SLC17A9: variants seen among roughly 807,000 people sequenced by gnomAD.
SLC17A9 encodes solute carrier family 17 member 9, also known as voltage-gated purine nucleotide uniporter SLC17A9.
SLC17A9 carries 49 observed loss-of-function variants against 55.0 expected under a neutral mutation model. That is an observed-to-expected ratio of 0.89 (90% CI 0.71 to 1.13). The LOEUF (loss-of-function observed/expected upper bound fraction) is 1.13. SLC17A9 is among the 50% of genes most tolerant of loss of function. SLC17A9 has a pLI of 0.00. For synonymous variants in SLC17A9, 256 were observed against 247.4 expected (o/e 1.03, Z -0.32); for missense variants, 526 against 569.3 (o/e 0.92, Z 0.77).
At chr20:62,965,236 G>A in intron 9 of SLC17A9, 70 bp downstream of exon 9, 1 of 1,601,828 alleles carries the variant, frequency 6.2e-7, no homozygotes, top group Non-Finnish European at 8.6e-7. Context: ...GGAACTCAGG[G>A]TTGTGTCCCC....
At position 62,956,819 on chromosome 20, in the gene SLC17A9, C is replaced by T; in HGVS notation, c.114C>T (p.Tyr38=). The part of the protein sequence containing the change: ...GTLLLGTCLL[Y]CARSSMPICT... Reference sequence around the variant, plus strand: ...TGCTGCTGGGCACATGCCTTCTGTACTGCGCCCGCTCCAGCATGCCCATCT... The same window carrying T: ...TGCTGCTGGGCACATGCCTTCTGTATTGCGCCCGCTCCAGCATGCCCATCT... Residue 38 remains tyrosine, a synonymous_variant, in exon 2 of 13, where the codon TAC becomes TAT. Transcript: ENST00000370351. 1.2e-6 allele frequency: 2 copies of T among 1,613,116 alleles called. No homozygotes were observed. Among genetic ancestry groups the T allele is most frequent in the East Asian group, 2.2e-5 (1 of 44,866 alleles).
intron 1 of SLC17A9, among the ~76,000 whole-genome samples, chr20:62,955,178 C>G (rs985342701): frequency 8.6e-5 from 13 of 151,256 alleles, no homozygotes; most frequent in Admixed American, 4.6e-4. Flanking sequence ...GGTGGAGTCT[C>G]ACTCTGTCGC....
Position 62,967,693 on chromosome 20 carries a change from C to G in SLC17A9, c.*193C>G, listed in dbSNP as rs566944491. The G allele has an allele frequency of 7.8e-5, 45 of 577,502 alleles. No homozygotes were observed. Among genetic ancestry groups the G allele is most frequent in the South Asian group, 1.9e-4 (8 of 41,082 alleles). 35.8% of individuals were successfully genotyped at this position (577,502 alleles called of 1,614,324 possible). ...AGGGTGGGGTGGGCCTGGGTCCAGA[C>G]CAGGCTCGCTGCTCTCTGGGCCTCA... On this transcript the variant is annotated 3_prime_UTR_variant, in exon 13 of 13. Coordinates refer to ENST00000370351, the MANE Select transcript of SLC17A9 (RefSeq NM_022082.4).
At chr20:62,957,831 G>A (rs143851867) in intron 3 of SLC17A9, among the ~76,000 whole-genome samples, 3,472 of 145,414 alleles carry the variant, frequency 0.024, 138 homozygotes, top group African/African-American at 0.083. Context: ...GGGCATGCCC[G>A]CGTGCATGCG....
intron 1 of SLC17A9, 132 bp downstream of exon 1, chr20:62,953,021 G>A (rs1295578776): frequency 4.9e-6 from 6 of 1,231,486 alleles, no homozygotes; most frequent in South Asian, 1.5e-5. Context: ...TGGCTGTGGG[G>A]CCCCCTGTGT....
intron 3 of SLC17A9, among the ~76,000 whole-genome samples, chr20:62,959,835 G>A (rs2147651425): frequency 6.6e-6 from 1 of 152,368 alleles, no homozygotes; most frequent in South Asian, 2.1e-4. Flanking sequence ...TGTTGTCACC[G>A]TGGCTCCGCG....
At position 62,960,481 on chromosome 20, in the gene SLC17A9, G is replaced by C. The variant is rs747485444; in HGVS notation, c.398-23G>C. On this transcript the variant is annotated intron_variant, in intron 3 of 12. Coordinates refer to ENST00000370351, the MANE Select transcript of SLC17A9 (RefSeq NM_022082.4). ...GAGCCTCCCTGGATGGACCCTGAGAGACCCTCCCTCCACTTGTTGCAGGGG... is the reference window on the plus strand; with the variant it reads ...GAGCCTCCCTGGATGGACCCTGAGACACCCTCCCTCCACTTGTTGCAGGGG... 13 of 1,604,550 alleles carry C rather than the reference G, an allele frequency of 8.1e-6. No homozygotes were observed. The South Asian group carries it at 1.2e-4, about 15-fold the overall frequency.
At chr20:62,953,172 G>T in intron 1 of SLC17A9, 1 of 1,543,720 alleles carries the variant, frequency 6.5e-7, no homozygotes, top group Non-Finnish European at 8.8e-7. Flanking sequence ...CAGGCCAGGG[G>T]CATTGTCCTG....
rs771510390 is a variant in SLC17A9 at position 62,957,424 on chromosome 20, C to T, written c.258-17C>T. The T allele has an allele frequency of 1.8e-5, 28 of 1,561,780 alleles. No individual in the cohort carries two copies. In the Admixed American group the frequency reaches 4.0e-4, roughly 22 times the overall value. ...CCTGCACAGCCACATCCTCACCTCC[C>T]TCTGTCTTCCCTCCAGGATTGGGGG... On this transcript the variant is annotated splice_polypyrimidine_tract_variant and intron_variant, in intron 2 of 12. Transcript: ENST00000370351.
chr20:62,953,363 G>A lies in SLC17A9; in HGVS notation c.59+474G>A, dbSNP rs986108873. The A allele has an allele frequency of 1.1e-5, 15 of 1,422,986 alleles. No homozygotes were observed. In the East Asian group the frequency reaches 2.5e-4, roughly 24 times the overall value. 88.1% of individuals were successfully genotyped at this position (1,422,986 alleles called of 1,614,324 possible). ...GCTGTGTGCTGAGGACGAGCTCCCC[G>A]CTGGCTTCAGCTCTCGGAGCATTTG... On this transcript the variant is annotated intron_variant, in intron 1 of 12. Transcript: ENST00000370351.
At chr20:62,966,678 C>T (rs779240177) in intron 11 of SLC17A9, 25 bp from the exon 12 acceptor site, 3 of 1,613,906 alleles carry the variant, frequency 1.9e-6, no homozygotes, top group South Asian at 2.2e-5. Context: ...CATCCATATT[C>T]TCTCTCGCTC....
At chr20:62,961,741 A>C (rs560700484) in intron 4 of SLC17A9, among the ~76,000 whole-genome samples, 77 of 152,198 alleles carry the variant, frequency 5.1e-4, no homozygotes, top group Non-Finnish European at 9.8e-4. Flanking sequence ...ATATACTTCT[A>C]CTAAAGAATG....
chr20:62,968,430 C>A lies in SLC17A9; in HGVS notation c.*930C>A, dbSNP rs1271662598. ...ACGCACCCCAGAACACACAGACCCACCTTTCTGGCGTTCTTTCTACCTCCC... is the reference window on the plus strand; with the variant it reads ...ACGCACCCCAGAACACACAGACCCAACTTTCTGGCGTTCTTTCTACCTCCC... On this transcript the variant is annotated 3_prime_UTR_variant, in exon 13 of 13. Transcript: ENST00000370351. 6.6e-6 allele frequency: 1 copy of A among 152,292 alleles called. No individual in the cohort carries two copies. Among genetic ancestry groups the A allele is most frequent in the African/African-American group, 2.4e-5 (1 of 41,470 alleles). 9.4% of individuals were successfully genotyped at this position (152,292 alleles called of 1,614,324 possible). A position where few individuals can be genotyped will look rare whatever the true frequency, so the allele number is the denominator to read the frequency against.
intron 1 of SLC17A9, among the ~76,000 whole-genome samples, chr20:62,955,802 G>A (rs2065532091): frequency 1.3e-5 from 2 of 152,378 alleles, no homozygotes; most frequent in South Asian, 4.1e-4. Context: ...GGAGGCCAGG[G>A]CTGTACTGGG....
Position 62,968,558 on chromosome 20 carries a change from G to A in SLC17A9, c.*1058G>A, listed in dbSNP as rs1341982505. ...TAAAAATGTGGAAAAGCACGCCAAAGCCTTATTTAAATAATAACTATTAAA... is the reference window on the plus strand; with the variant it reads ...TAAAAATGTGGAAAAGCACGCCAAAACCTTATTTAAATAATAACTATTAAA... On this transcript the variant is annotated 3_prime_UTR_variant, in exon 13 of 13. Coordinates refer to ENST00000370351, the MANE Select transcript of SLC17A9 (RefSeq NM_022082.4). 6.6e-6 allele frequency: 1 copy of A among 152,236 alleles called. No individual in the cohort carries two copies. Among genetic ancestry groups the A allele is most frequent in the African/African-American group, 2.4e-5 (1 of 41,450 alleles). 9.4% of individuals were successfully genotyped at this position (152,236 alleles called of 1,614,324 possible). A position where few individuals can be genotyped will look rare whatever the true frequency, so the allele number is the denominator to read the frequency against.
chr20:62,963,535 G>A (rs763954146), intron 6 of SLC17A9, 49 bp from the exon 7 acceptor site: 243 of 1,555,810 alleles, frequency 1.6e-4, no homozygotes, highest in Admixed American at 5.6e-4. Context: ...CCACAGGCCC[G>A]GCCAGCTCGT....
intron 4 of SLC17A9, among the ~76,000 whole-genome samples, chr20:62,960,952 C>T (rs1194896035): frequency 2.0e-5 from 3 of 152,230 alleles, no homozygotes; most frequent in African/African-American, 7.2e-5. Context: ...CCCCCACCCT[C>T]GACAGGAGAG....
In SLC17A9 at chr20:62,963,087, C is replaced by T. The variant is rs1489520486; in HGVS notation, c.629-186C>T. The T allele has an allele frequency of 7.3e-6, 5 of 684,670 alleles. No individual in the cohort carries two copies. In the East Asian group the frequency reaches 8.1e-5, roughly 11 times the overall value. The allele number at this position is 684,670 out of a possible 1,614,324, so 42.4% of individuals were successfully genotyped here. Reference sequence around the variant, plus strand: ...GGAGGGTCGTTCAGAACGCGGTTCTCAAAGGTGATGCTGCCTGTTAGGTGT... The same window carrying T: ...GGAGGGTCGTTCAGAACGCGGTTCTTAAAGGTGATGCTGCCTGTTAGGTGT... On this transcript the variant is annotated intron_variant, in intron 5 of 12. Coordinates refer to ENST00000370351, the MANE Select transcript of SLC17A9 (RefSeq NM_022082.4).
chr20:62,963,108 G>T, intron 5 of SLC17A9, 165 bp from the exon 6 acceptor site: 1 of 722,882 alleles, frequency 1.4e-6, no homozygotes, highest in Non-Finnish European at 2.3e-6. Context: ...CTGCCTGTTA[G>T]GTGTCTGGTA....
Sources: gnomAD v4.1 joint callset for allele counts (sites outside exome capture counted in the v4.1 genomes callset) on GRCh38, gnomAD v4.1.1 for gene constraint, MANE v1.5 for transcripts, NCBI Gene and HGNC (gene_info 2026-07-23, HGNC 2026-07-21) for gene names.